Variants in RET observed in about 807,000 individuals in gnomAD.
RET encodes the protein ret proto-oncogene, also known as proto-oncogene tyrosine-protein kinase receptor Ret.
In RET, 19 loss-of-function variants were observed where a neutral mutation model predicts 118.3. The ratio of observed to expected loss-of-function variants is 0.16; its 90% CI spans 0.11 to 0.24. RET has a LOEUF of 0.24. Among genes scored for constraint, RET ranks in the 10% least tolerant of loss-of-function variants. The probability of loss-of-function intolerance (pLI) is 1.00; values close to 1 mark genes in which losing one functional copy is unlikely to be tolerated. For synonymous variants in RET, 597 were observed against 644.1 expected (o/e 0.93, Z 1.11); for missense variants, 1,219 against 1,502.1 (o/e 0.81, Z 3.12).
At chr10:43,095,708 C>A (rs551186312) in intron 1 of RET, among the ~76,000 whole-genome samples, 1 of 152,328 alleles carries the variant, frequency 6.6e-6, no homozygotes, top group South Asian at 2.1e-4. Flanking sequence ...GCCTCCATCT[C>A]TTTTTCTGTC....
chr10:43,086,899 G>A (rs1382503338), intron 1 of RET, among the ~76,000 whole-genome samples: 1 of 152,248 alleles, frequency 6.6e-6, no homozygotes, highest in Non-Finnish European at 1.5e-5. Context: ...TGTGCAGAAG[G>A]TAGCCTTGGG....
At chr10:43,082,687 G>A (rs1253873873) in intron 1 of RET, among the ~76,000 whole-genome samples, 1 of 152,236 alleles carries the variant, frequency 6.6e-6, no homozygotes, top group African/African-American at 2.4e-5. Context: ...CCCCAGGGCA[G>A]GAGCAGGACA....
At chr10:43,100,743 C>A (rs1837624026) in intron 2 of RET, 21 bp downstream of exon 2, 1 of 1,565,472 alleles carries the variant, frequency 6.4e-7, no homozygotes, top group Admixed American at 1.9e-5. Context: ...CGCCCCAACA[C>A]CCACCCCGTG....
At chr10:43,090,350 G>A (rs1369113792) in intron 1 of RET, among the ~76,000 whole-genome samples, 1 of 152,204 alleles carries the variant, frequency 6.6e-6, no homozygotes, top group Non-Finnish European at 1.5e-5. Flanking sequence ...TGGCTGCCCG[G>A]GAGCCTCTTG....
Position 43,128,176 on chromosome 10 carries a change from C to T in RET, c.3252C>T (p.Asn1084=), listed in dbSNP as rs1172754809. Residue 1084 remains asparagine (N), a synonymous_variant, in exon 20 of 20, where the codon AAC becomes AAT. Transcript: ENST00000355710. The part of the protein sequence containing the change: ...PVPLTRADGT[N]TGFPRYPNDS... Reference sequence around the variant, plus strand: ...CACTCACGAGAGCTGATGGCACTAACACTGGGTTTCCAAGATATCCAAATG... The same window carrying T: ...CACTCACGAGAGCTGATGGCACTAATACTGGGTTTCCAAGATATCCAAATG... The T allele has an allele frequency of 1.2e-6, 2 of 1,614,188 alleles. No homozygotes were observed. Among genetic ancestry groups the T allele is most frequent in the Non-Finnish European group, 1.7e-6 (2 of 1,180,030 alleles).
chr10:43,123,996 G>T (rs1838277938), intron 17 of RET, among the ~76,000 whole-genome samples, 188 bp downstream of exon 17: 1 of 152,114 alleles, frequency 6.6e-6, no homozygotes, highest in South Asian at 2.1e-4. Context: ...CCCCACTGAG[G>T]GCTGGTGGGC....
intron 17 of RET, among the ~76,000 whole-genome samples, chr10:43,124,456 C>G (rs1238867799): frequency 6.6e-6 from 1 of 152,124 alleles, no homozygotes; most frequent in Non-Finnish European, 1.5e-5. Flanking sequence ...GTGTGATTGC[C>G]AAAGGTTCTT....
At chr10:43,112,669 A>C (rs1254149819) in intron 8 of RET, among the ~76,000 whole-genome samples, 184 bp from the exon 9 acceptor site, 1 of 152,152 alleles carries the variant, frequency 6.6e-6, no homozygotes, top group Non-Finnish European at 1.5e-5. Context: ...GGAACCCCCC[A>C]TACCTCCTCT....
intron 4 of RET, among the ~76,000 whole-genome samples, chr10:43,105,535 G>A (rs1173505828): frequency 6.6e-6 from 1 of 152,190 alleles, no homozygotes; most frequent in African/African-American, 2.4e-5. Context: ...AGCCCCCAAC[G>A]GGAGGGCCCT....
At chr10:43,079,318 C>G (rs962839325) in intron 1 of RET, among the ~76,000 whole-genome samples, 1 of 152,354 alleles carries the variant, frequency 6.6e-6, no homozygotes, top group South Asian at 2.1e-4. Flanking sequence ...CCCAGCCCCT[C>G]TCATCACTCA....
chr10:43,104,249 T>C (rs1182083946), intron 3 of RET, among the ~76,000 whole-genome samples: 3 of 151,736 alleles, frequency 2.0e-5, no homozygotes, highest in African/African-American at 4.8e-5. Flanking sequence ...CTTTCTCACG[T>C]TCTCTAAAAT....
chr10:43,099,455 G>A (rs1057274934), intron 1 of RET, among the ~76,000 whole-genome samples: 2 of 151,816 alleles, frequency 1.3e-5, no homozygotes, highest in African/African-American at 4.8e-5. Flanking sequence ...AAGTTGTGGT[G>A]AGCCAAGATT....
intron 12 of RET, among the ~76,000 whole-genome samples, chr10:43,117,627 G>A (rs1173102289): frequency 6.6e-6 from 1 of 152,248 alleles, no homozygotes; most frequent in Non-Finnish European, 1.5e-5. Context: ...CCAGGCACCT[G>A]CTGGGCATTC....
intron 18 of RET, among the ~76,000 whole-genome samples, chr10:43,126,300 G>A (rs1223381841): frequency 6.6e-6 from 1 of 152,190 alleles, no homozygotes; most frequent in African/African-American, 2.4e-5. Context: ...AGACGCTGAG[G>A]GAGCACATTT....
chr10:43,098,718 G>A (rs528318069), intron 1 of RET, among the ~76,000 whole-genome samples: 2 of 152,134 alleles, frequency 1.3e-5, no homozygotes, highest in Admixed American at 6.5e-5. Flanking sequence ...CACTGCGCCC[G>A]GCCAGATTTC....
intron 3 of RET, among the ~76,000 whole-genome samples, chr10:43,103,908 G>A (rs537804212): frequency 1.5e-3 from 223 of 152,312 alleles, no homozygotes; most frequent in African/African-American, 5.2e-3. Flanking sequence ...TGGGTTGTGG[G>A]GTCTTCAGCG....
chr10:43,120,227 G>A (rs771680420), intron 15 of RET, 24 bp downstream of exon 15: 13 of 1,610,908 alleles, frequency 8.1e-6, no homozygotes, highest in Admixed American at 3.3e-5. Flanking sequence ...GGGATGAGGC[G>A]GGGCTCCCAG....
rs1449556341 is a variant in RET at position 43,128,402 on chromosome 10, G to A, written c.*133G>A. 9.2e-7 allele frequency: 1 copy of A among 1,083,542 alleles called. No individual in the cohort carries two copies. The highest frequency in any genetic ancestry group is 1.6e-5 in the African/African-American group (1 of 63,890). The allele number at this position is 1,083,542 out of a possible 1,614,324, so 67.1% of individuals were successfully genotyped here. On this transcript the variant is annotated 3_prime_UTR_variant, in exon 20 of 20. Transcript: ENST00000355710. ...GTTCCCAGGTGGCAGACTCGTTTTT[G>A]GTAGTTTGTTTTAACTTCCAAGGTG...
intron 1 of RET, among the ~76,000 whole-genome samples, chr10:43,078,207 C>T (rs1006866395): frequency 1.3e-5 from 2 of 152,244 alleles, no homozygotes; most frequent in Non-Finnish European, 2.9e-5. Flanking sequence ...CCTTGGCACG[C>T]GTTTAAGTGT....
Sources: allele counts gnomAD v4.1 joint callset (sites outside exome capture counted in the v4.1 genomes callset), GRCh38; gene constraint gnomAD v4.1.1; transcripts MANE v1.5; gene names NCBI Gene and HGNC (gene_info 2026-07-23, HGNC 2026-07-21).